ASPRV1: variants seen among roughly 807,000 people sequenced by gnomAD.
ASPRV1 encodes the protein retroviral-like aspartic protease 1.
ASPRV1 carries 7 observed loss-of-function variants against 11.0 expected under a neutral mutation model. The ratio of observed to expected loss-of-function variants is 0.64; its 90% CI spans 0.36 to 1.20. The LOEUF (loss-of-function observed/expected upper bound fraction) is 1.20, where lower values mean the gene tolerates loss of function less well. Among genes scored for constraint, ASPRV1 ranks in the 50% most tolerant of loss-of-function variants. The pLI is 0.02. For missense variants in ASPRV1, 299 were observed against 320.0 expected, an observed-to-expected ratio of 0.93 and a Z score of 0.50; for synonymous variants, 136 against 138.4, an observed-to-expected ratio of 0.98 and a Z score of 0.12.
chr2:69,949,239 T>C, the ASPRV1 span, among the ~76,000 whole-genome samples: 1 of 151,680 alleles, frequency 6.6e-6, no homozygotes, highest in Non-Finnish European at 1.5e-5. Flanking sequence ...CGATGGCCAC[T>C]TGGGGATGGA....
the ASPRV1 span, among the ~76,000 whole-genome samples, chr2:69,950,891 T>TAAA: frequency 1.3e-3 from 165 of 127,324 alleles, 2 homozygotes; most frequent in African/African-American, 1.2e-3. Flanking sequence ...AAATAAATAA[T>TAAA]AAAAAATAAA....
the ASPRV1 span, chr2:70,028,642 T>C: frequency 7.2e-5 from 11 of 152,092 alleles, no homozygotes; most frequent in African/African-American, 2.7e-4. Flanking sequence ...AAGAGGTGAT[T>C]AGGTCATGAG....
chr2:70,063,269 G>T, the ASPRV1 span, among the ~76,000 whole-genome samples: 1 of 152,154 alleles, frequency 6.6e-6, no homozygotes, highest in Non-Finnish European at 1.5e-5. Context: ...TTAAGAGCCA[G>T]GTCAGAAACC....
chr2:70,001,905 TAAAAATTTCATTGACAAGA>T, the ASPRV1 span, among the ~76,000 whole-genome samples: 1 of 152,118 alleles, frequency 6.6e-6, no homozygotes, highest in Non-Finnish European at 1.5e-5. Context: ...AAGCGATCAA[TAAAAATTTCATTGACAAGA>T]AAAAATGTTC....
chr2:70,018,837 A>T, the ASPRV1 span: 1 of 152,248 alleles, frequency 6.6e-6, no homozygotes, highest in East Asian at 1.9e-4. Flanking sequence ...AAGCATAGGG[A>T]AAAAGCTTCA....
At chr2:69,998,687 C>T in the ASPRV1 span, among the ~76,000 whole-genome samples, 4 of 151,524 alleles carry the variant, frequency 2.6e-5, no homozygotes, top group East Asian at 7.7e-4. Context: ...AGAGATCACG[C>T]CACTGCACTC....
chr2:69,999,939 A>T, the ASPRV1 span, among the ~76,000 whole-genome samples: 1 of 151,530 alleles, frequency 6.6e-6, no homozygotes, highest in Non-Finnish European at 1.5e-5. Context: ...CCCCTCTCTC[A>T]TCTGCCTTGA....
the ASPRV1 span, among the ~76,000 whole-genome samples, chr2:70,055,337 G>A: frequency 1.3e-5 from 2 of 152,006 alleles, no homozygotes; most frequent in African/African-American, 4.8e-5. Context: ...GCACACGTAT[G>A]TTTATTACAG....
At chr2:70,044,631 G>T in the ASPRV1 span, among the ~76,000 whole-genome samples, 4 of 151,946 alleles carry the variant, frequency 2.6e-5, no homozygotes, top group African/African-American at 4.8e-5. Flanking sequence ...AGCTAATTTT[G>T]TATTTTTAGT....
Position 69,961,609 on chromosome 2 carries a change from G to A in ASPRV1, c.-173C>T. On this transcript the variant is annotated 5_prime_UTR_variant, in exon 1 of 1. Transcript: ENST00000320256. ...AGGCGCGGTCGGCTGGCTGACTGCT[G>A]GGGCAGAGGCAGGCAGTGCTGTGGC... is the stretch of plus-strand genomic sequence containing the variant. 1 of 1,610,966 alleles carries A rather than the reference G, an allele frequency of 6.2e-7. No homozygotes were observed. The highest frequency in any genetic ancestry group is 8.5e-7 in the Non-Finnish European group (1 of 1,178,098).
At chr2:69,937,459 TACTGCGGACAGG>T in the ASPRV1 span, 1 of 1,456,956 alleles carries the variant, frequency 6.9e-7, no homozygotes, top group Non-Finnish European at 9.2e-7. Flanking sequence ...AGGGGTTCAG[TACTGCGGACAGG>T]AGGCAGAGTG....
At chr2:69,962,791 T>C (rs1306017030), upstream of ASPRV1, 1 of 176,008 alleles carries the variant, frequency 5.7e-6, no homozygotes, top group Non-Finnish European at 1.2e-5. Flanking sequence ...TGGTGGTTTG[T>C]TCACAAGTCT....
At chr2:69,960,017 T>C (rs989958179), downstream of ASPRV1, 5 of 152,426 alleles carry the variant, frequency 3.3e-5, no homozygotes, top group African/African-American at 1.2e-4. Context: ...TCAGTAGACA[T>C]GTGAATCTCC....
the ASPRV1 span, chr2:69,996,893 A>G: frequency 6.5e-6 from 2 of 309,140 alleles, no homozygotes; most frequent in Non-Finnish European, 1.3e-5. Context: ...TGTGACCTGT[A>G]AAGAAAGAAA....
At chr2:69,956,248 AC>A (rs1677932626), downstream of ASPRV1, among the ~76,000 whole-genome samples, 1 of 152,088 alleles carries the variant, frequency 6.6e-6, no homozygotes, top group African/African-American at 2.4e-5. Context: ...GTATAAATCA[AC>A]CAATAAATGA....
the ASPRV1 span, among the ~76,000 whole-genome samples, chr2:69,977,183 A>G: frequency 6.6e-6 from 1 of 151,360 alleles, no homozygotes; most frequent in Non-Finnish European, 1.5e-5. Flanking sequence ...AAAAAAAAAT[A>G]AAAAATAAAA....
chr2:70,080,680 C>CT, the ASPRV1 span, among the ~76,000 whole-genome samples: 1 of 152,136 alleles, frequency 6.6e-6, no homozygotes, highest in Non-Finnish European at 1.5e-5. Flanking sequence ...AAAATAAAGC[C>CT]TTTAACTTTC....
At chr2:70,037,106 A>G in the ASPRV1 span, among the ~76,000 whole-genome samples, 1 of 152,258 alleles carries the variant, frequency 6.6e-6, no homozygotes, top group Admixed American at 6.5e-5. Flanking sequence ...CCTATGGAAC[A>G]TTTCCTCTTG....
the ASPRV1 span, among the ~76,000 whole-genome samples, chr2:69,999,645 G>A: frequency 8.8e-6 from 1 of 114,220 alleles, no homozygotes; most frequent in Admixed American, 1.2e-4. Flanking sequence ...GACAGAGCAA[G>A]ACTCTGTCTC....
Sources: gnomAD v4.1 joint callset for allele counts (sites outside exome capture counted in the v4.1 genomes callset) on GRCh38, gnomAD v4.1.1 for gene constraint, MANE v1.5 for transcripts, NCBI Gene and HGNC (gene_info 2026-07-23, HGNC 2026-07-21) for gene names.